Variants in FHIT observed in about 807,000 individuals in gnomAD.
FHIT encodes fragile histidine triad diadenosine triphosphatase, also known as bis(5'-adenosyl)-triphosphatase.
FHIT carries 19 observed loss-of-function variants against 17.9 expected under a neutral mutation model. That is an observed-to-expected ratio of 1.06 (90% CI 0.74 to 1.56). The LOEUF (loss-of-function observed/expected upper bound fraction) is 1.56. Among genes scored for constraint, FHIT ranks in the 40% most tolerant of loss-of-function variants. The pLI, the probability that FHIT is intolerant of heterozygous loss-of-function variation, is 0.00. For missense variants in FHIT, 248 were observed against 189.2 expected (o/e 1.31, Z -1.82); for synonymous variants, 81 against 69.7 (o/e 1.16, Z -0.81).
chr3:60,510,841 A>C (rs962422859), intron 5 of FHIT, among the ~76,000 whole-genome samples: 1 of 152,238 alleles, frequency 6.6e-6, no homozygotes, highest in African/African-American at 2.4e-5. Context: ...TTAAAAATCC[A>C]GTAAGTGCAT....
chr3:60,021,887 T>C (rs896579671), intron 5 of FHIT, among the ~76,000 whole-genome samples: 1 of 152,160 alleles, frequency 6.6e-6, no homozygotes, highest in Non-Finnish European at 1.5e-5. Context: ...TTATACATTA[T>C]ACAGAAAAAA....
At chr3:60,126,688 G>A (rs1331066601) in intron 5 of FHIT, among the ~76,000 whole-genome samples, 3 of 152,102 alleles carry the variant, frequency 2.0e-5, no homozygotes, top group East Asian at 1.9e-4. Context: ...CACAGCACAC[G>A]CTCATAAATG....
intron 5 of FHIT, among the ~76,000 whole-genome samples, chr3:60,082,190 G>C (rs1441716806): frequency 6.6e-6 from 1 of 151,890 alleles, no homozygotes; most frequent in Non-Finnish European, 1.5e-5. Flanking sequence ...ATGTTTGTCT[G>C]TTTAACTCTC....
intron 5 of FHIT, among the ~76,000 whole-genome samples, chr3:60,138,658 AGTTT>A (rs1214312575): frequency 6.6e-6 from 1 of 152,022 alleles, no homozygotes; most frequent in Admixed American, 6.6e-5. Context: ...AGTAGAGGTA[AGTTT>A]GTTTTTCAGG....
At chr3:60,031,876 A>G (rs1701018227) in intron 5 of FHIT, among the ~76,000 whole-genome samples, 1 of 152,196 alleles carries the variant, frequency 6.6e-6, no homozygotes, top group Non-Finnish European at 1.5e-5. Flanking sequence ...TTTGTATCTT[A>G]TTAAATCACA....
intron 4 of FHIT, among the ~76,000 whole-genome samples, chr3:60,810,141 T>C (rs1701529726): frequency 6.6e-6 from 1 of 152,202 alleles, no homozygotes; most frequent in African/African-American, 2.4e-5. Flanking sequence ...CACACCCAAG[T>C]TGGCCTTAAC....
At chr3:60,702,440 T>C (rs1258323020) in intron 4 of FHIT, among the ~76,000 whole-genome samples, 1 of 152,088 alleles carries the variant, frequency 6.6e-6, no homozygotes, top group Non-Finnish European at 1.5e-5. Context: ...GGCAGTTTTA[T>C]CTCCATAACA....
intron 3 of FHIT, among the ~76,000 whole-genome samples, chr3:60,955,933 G>A (rs1553778725): frequency 6.6e-6 from 1 of 152,004 alleles, no homozygotes; most frequent in East Asian, 1.9e-4. Context: ...AAGAAGGAAG[G>A]AAACTTTTTA....
At chr3:59,938,534 T>A (rs1706354449) in intron 7 of FHIT, among the ~76,000 whole-genome samples, 1 of 152,118 alleles carries the variant, frequency 6.6e-6, no homozygotes, top group African/African-American at 2.4e-5. Flanking sequence ...TCCTGCCAAA[T>A]GAGTATACTT....
intron 7 of FHIT, among the ~76,000 whole-genome samples, chr3:59,984,161 G>A (rs116419878): frequency 2.2e-3 from 337 of 152,130 alleles, no homozygotes; most frequent in African/African-American, 7.7e-3. Context: ...CAGGAGATAT[G>A]CTGAACCTCA....
chr3:60,663,971 A>T (rs1449741437), intron 4 of FHIT, among the ~76,000 whole-genome samples: 1 of 152,150 alleles, frequency 6.6e-6, no homozygotes, highest in Admixed American at 6.6e-5. Context: ...ATTTATTTCC[A>T]AACTGCATGC....
rs909381227 is a variant in FHIT at position 59,751,673 on chromosome 3, C to A, written c.*5+548G>T. ...TAATTCTATCAAGCCTTGACTTTTC[C>A]CTGTGGCCTGAGCTTCCTAGGAGCC... On this transcript the variant is annotated intron_variant, in intron 9 of 9. Coordinates refer to ENST00000492590, the MANE Select transcript of FHIT (RefSeq NM_002012.4). The A allele has an allele frequency of 1.7e-5, 4 of 228,654 alleles. No individual in the cohort carries two copies. In the East Asian group the frequency reaches 2.5e-4, roughly 14 times the overall value. The allele number at this position is 228,654 out of a possible 1,614,324, so 14.2% of individuals were successfully genotyped here. A position where few individuals can be genotyped will look rare whatever the true frequency, so the allele number is the denominator to read the frequency against.
chr3:59,752,355 T>C (rs771343676), intron 8 of FHIT, 34 bp from the exon 9 acceptor site: 2 of 1,553,510 alleles, frequency 1.3e-6, no homozygotes, highest in African/African-American at 1.4e-5. Flanking sequence ...GGCTCTTTCA[T>C]GGGCCCTTGG....
intron 8 of FHIT, among the ~76,000 whole-genome samples, chr3:59,852,475 TC>T (rs1036130343): frequency 1.3e-5 from 2 of 151,862 alleles, no homozygotes; most frequent in African/African-American, 4.8e-5. Flanking sequence ...CATATTAACT[TC>T]CCCCCACCAG....
chr3:60,569,572 T>C (rs1057081258), intron 4 of FHIT, among the ~76,000 whole-genome samples: 3 of 151,560 alleles, frequency 2.0e-5, no homozygotes, highest in African/African-American at 7.3e-5. Flanking sequence ...GAACGTAAGC[T>C]CTAGTGTCAG....
intron 5 of FHIT, among the ~76,000 whole-genome samples, chr3:60,297,798 T>G: frequency 6.6e-6 from 1 of 152,074 alleles, no homozygotes; most frequent in East Asian, 1.9e-4. Context: ...TAGAATTCAA[T>G]TCAGTTCACA....
chr3:60,493,615 T>C (rs2034159756), intron 5 of FHIT, among the ~76,000 whole-genome samples: 1 of 152,192 alleles, frequency 6.6e-6, no homozygotes, highest in Non-Finnish European at 1.5e-5. Context: ...TGCTCTATTT[T>C]ATTGCCATTT....
intron 2 of FHIT, among the ~76,000 whole-genome samples, chr3:61,171,981 G>A (rs537808984): frequency 1.3e-5 from 2 of 152,272 alleles, no homozygotes; most frequent in African/African-American, 4.8e-5. Context: ...TGATAGAGAT[G>A]GACGGGGGAA....
chr3:60,925,189 A>C (rs1707520622), intron 3 of FHIT, among the ~76,000 whole-genome samples: 2 of 152,292 alleles, frequency 1.3e-5, no homozygotes, highest in South Asian at 4.2e-4. Flanking sequence ...CCAACATTCA[A>C]ATTCAGGAAA....
Sources: allele counts gnomAD v4.1 joint callset (sites outside exome capture counted in the v4.1 genomes callset), GRCh38; gene constraint gnomAD v4.1.1; transcripts MANE v1.5; gene names NCBI Gene and HGNC (gene_info 2026-07-23, HGNC 2026-07-21).